PCA3: variants seen among roughly 807,000 people sequenced by gnomAD.
The protein encoded by PCA3 is prostate cancer associated 3.
At chr9:76,774,469 T>TATTTATTTATTTATTTATTTA (rs1172601108) in intron 2 of PCA3, among the ~76,000 whole-genome samples, 4 of 140,088 alleles carry the variant, frequency 2.9e-5, no homozygotes, top group African/African-American at 8.0e-5. Context: ...TTTTTTTTTT[T>TATTTATTTATTTATTTATTTA]TTTTTTTTGA....
chr9:76,770,857 T>G (rs2053018476), intron 2 of PCA3, among the ~76,000 whole-genome samples: 1 of 152,170 alleles, frequency 6.6e-6, no homozygotes, highest in Admixed American at 6.5e-5. Flanking sequence ...ACCTCAACTT[T>G]GATAATATCT....
chr9:76,773,304 A>G (rs2053316478), intron 2 of PCA3, among the ~76,000 whole-genome samples: 1 of 152,172 alleles, frequency 6.6e-6, no homozygotes, highest in Admixed American at 6.5e-5. Context: ...AATTTCTGTA[A>G]ACCCTGGGAG....
intron 2 of PCA3, among the ~76,000 whole-genome samples, chr9:76,771,325 A>G (rs2053078844): frequency 6.6e-6 from 1 of 152,202 alleles, no homozygotes; most frequent in African/African-American, 2.4e-5. Flanking sequence ...TACAATAACA[A>G]AATGAAAACG....
At chr9:76,778,275 C>T (rs1265423463) in intron 2 of PCA3, 1 of 152,214 alleles carries the variant, frequency 6.6e-6, no homozygotes, top group African/African-American at 2.4e-5. Context: ...CTTCTAGAGA[C>T]AGCCAGCATT....
intron 2 of PCA3, among the ~76,000 whole-genome samples, chr9:76,773,572 T>C (rs915533617): frequency 2.0e-5 from 3 of 151,550 alleles, no homozygotes; most frequent in African/African-American, 7.3e-5. Flanking sequence ...GCCTCCTGAG[T>C]AGCTGGGATT....
At chr9:76,775,403 C>T (rs548768145) in intron 2 of PCA3, among the ~76,000 whole-genome samples, 1 of 152,162 alleles carries the variant, frequency 6.6e-6, no homozygotes, top group South Asian at 2.1e-4. Flanking sequence ...CTCAAGCGAT[C>T]CTCTCACCTT....
chr9:76,779,543 A>G (rs994430056), intron 2 of PCA3: 1 of 152,190 alleles, frequency 6.6e-6, no homozygotes, highest in Non-Finnish European at 1.5e-5. Context: ...TTAGAATCTC[A>G]TATTTATTCC....
At chr9:76,768,597 G>GTGTGTC (rs1554757169) in intron 2 of PCA3, among the ~76,000 whole-genome samples, 2 of 148,516 alleles carry the variant, frequency 1.3e-5, no homozygotes, top group African/African-American at 5.2e-5. Flanking sequence ...GTGTGTGTGT[G>GTGTGTC]TGTGTGTGTG....
At chr9:76,781,218 T>C (rs1389387168) in intron 2 of PCA3, among the ~76,000 whole-genome samples, 1 of 152,150 alleles carries the variant, frequency 6.6e-6, no homozygotes, top group Non-Finnish European at 1.5e-5. Context: ...CCATTAACTC[T>C]TTGCCACATC....
intron 2 of PCA3, among the ~76,000 whole-genome samples, chr9:76,776,893 TAC>T (rs541232508): frequency 0.18 from 21,195 of 115,280 alleles, 1,815 homozygotes; most frequent in African/African-American, 0.23. Context: ...CCAAAACACA[TAC>T]ACACACACAC....
intron 2 of PCA3, chr9:76,785,019 C>T (rs1589221947): frequency 1.3e-5 from 2 of 152,198 alleles, no homozygotes; most frequent in East Asian, 3.9e-4. Flanking sequence ...TTATCCCTCC[C>T]CTTTGTTTGA....
chr9:76,776,650 G>T (rs2053800015), intron 2 of PCA3, among the ~76,000 whole-genome samples: 1 of 150,720 alleles, frequency 6.6e-6, no homozygotes, highest in African/African-American at 2.4e-5. Flanking sequence ...AAGTAGCTAG[G>T]ATTACAGGTG....
chr9:76,774,450 CTTTTTTTTTTTTTTT>C (rs869289049), intron 2 of PCA3, among the ~76,000 whole-genome samples: 3 of 41,396 alleles, frequency 7.2e-5, no homozygotes, highest in South Asian at 9.8e-4. Flanking sequence ...CAGTTCAACC[CTTTTTTTTTTTTTTT>C]TTTTTTTTTT....
At chr9:76,770,196 C>CA (rs1331505820) in intron 2 of PCA3, among the ~76,000 whole-genome samples, 1 of 152,122 alleles carries the variant, frequency 6.6e-6, no homozygotes, top group African/African-American at 2.4e-5. Flanking sequence ...TTTGAGGCAA[C>CA]ATTCTTTGAA....
intron 2 of PCA3, among the ~76,000 whole-genome samples, chr9:76,775,285 G>A (rs188062127): frequency 1.3e-5 from 2 of 151,480 alleles, no homozygotes; most frequent in East Asian, 3.9e-4. Context: ...TATTCTCAGA[G>A]GACCATTTTG....
intron 2 of PCA3, among the ~76,000 whole-genome samples, chr9:76,773,780 T>C (rs1191267758): frequency 6.6e-6 from 1 of 152,144 alleles, no homozygotes; most frequent in East Asian, 1.9e-4. Context: ...TGTAAGAATG[T>C]TTTTTTCCCT....
At chr9:76,766,706 C>T (rs1320463695) in intron 2 of PCA3, among the ~76,000 whole-genome samples, 1 of 152,126 alleles carries the variant, frequency 6.6e-6, no homozygotes, top group East Asian at 1.9e-4. Context: ...AATTTTGCTC[C>T]TGCTTTAGGG....
intron 2 of PCA3, chr9:76,778,692 T>C (rs529886571): frequency 6.6e-6 from 1 of 152,348 alleles, no homozygotes; most frequent in South Asian, 2.1e-4. Flanking sequence ...TAAAGTGGGA[T>C]ATAGTATGAT....
chr9:76,776,122 G>A (rs75785824), intron 2 of PCA3, among the ~76,000 whole-genome samples: 3,732 of 152,316 alleles, frequency 0.025, 65 homozygotes, highest in Non-Finnish European at 0.027. Flanking sequence ...AGTAAAGACA[G>A]TAAGCACAAA....
Sources: allele counts gnomAD v4.1 joint callset (sites outside exome capture counted in the v4.1 genomes callset), GRCh38; gene constraint gnomAD v4.1.1; transcripts MANE v1.5; gene names NCBI Gene and HGNC (gene_info 2026-07-23, HGNC 2026-07-21).